The following MBNL1 variants were observed in gnomAD, a reference collection of about 807,000 sequenced individuals.
MBNL1 encodes the protein muscleblind like splicing regulator 1, also known as muscleblind-like protein 1.
In MBNL1, 8 loss-of-function variants were observed where a neutral mutation model predicts 42.2. That is an observed-to-expected ratio of 0.19 (90% CI 0.11 to 0.34). The LOEUF (loss-of-function observed/expected upper bound fraction) is 0.34. MBNL1 is among the 10% of genes least tolerant of loss of function. The probability of loss-of-function intolerance (pLI) is 1.00; values close to 1 mark genes in which losing one functional copy is unlikely to be tolerated. For synonymous variants in MBNL1, 169 were observed against 173.9 expected (o/e 0.97, Z 0.22); for missense variants, 309 against 495.3 (o/e 0.62, Z 3.57).
intron 2 of MBNL1, among the ~76,000 whole-genome samples, chr3:152,367,303 T>G (rs563620587): frequency 2.2e-4 from 34 of 152,106 alleles, no homozygotes; most frequent in Non-Finnish European, 4.0e-4. Flanking sequence ...CTGTGTTAGT[T>G]TGCTGAGAAT....
intron 2 of MBNL1, among the ~76,000 whole-genome samples, chr3:152,337,053 A>G (rs56306732): frequency 0.12 from 17,873 of 152,150 alleles, 1,203 homozygotes; most frequent in Middle Eastern, 0.18. Flanking sequence ...ACATATTAGG[A>G]ATTATTAAAG....
intron 1 of MBNL1, among the ~76,000 whole-genome samples, chr3:152,271,611 T>C (rs2041959720): frequency 6.6e-6 from 1 of 152,254 alleles, no homozygotes; most frequent in Admixed American, 6.5e-5. Context: ...ATTGGGTTTT[T>C]AAAATTCTGT....
At chr3:152,382,885 C>T (rs1053178709) in intron 2 of MBNL1, among the ~76,000 whole-genome samples, 4 of 151,962 alleles carry the variant, frequency 2.6e-5, no homozygotes, top group East Asian at 1.9e-4. Context: ...TATATCACTC[C>T]GTACTTATTG....
At chr3:152,386,480 C>A (rs147251243) in intron 2 of MBNL1, among the ~76,000 whole-genome samples, 22 of 152,090 alleles carry the variant, frequency 1.4e-4, no homozygotes, top group Non-Finnish European at 3.1e-4. Context: ...GTGGATTTTT[C>A]TTGGGTACAT....
rs530177866 is a variant in MBNL1 at position 152,376,095 on chromosome 3, G to A, written c.175-38846G>A. On this transcript the variant is annotated intron_variant, in intron 2 of 9. Transcript: ENST00000324210. ...TGCTCAGAACTCATACTGTCAGGCCGGTATCATACCCATGGTATCTTATAT... is the reference window on the plus strand; with the variant it reads ...TGCTCAGAACTCATACTGTCAGGCCAGTATCATACCCATGGTATCTTATAT... 5.4e-4 allele frequency among the ~76,000 whole-genome samples: 82 copies of A among 151,962 alleles called. 1 individual carries two copies. Among genetic ancestry groups the A allele is most frequent in the African/African-American group, 1.7e-3 (70 of 41,444 alleles).
intron 2 of MBNL1, among the ~76,000 whole-genome samples, chr3:152,347,352 A>G (rs2094419240): frequency 6.6e-6 from 1 of 152,102 alleles, no homozygotes; most frequent in Admixed American, 6.6e-5. Flanking sequence ...ATTAATTGAC[A>G]CTTTAAAAAA....
At chr3:152,380,060 A>G (rs1262071887) in intron 2 of MBNL1, among the ~76,000 whole-genome samples, 1 of 152,124 alleles carries the variant, frequency 6.6e-6, no homozygotes. Context: ...GAAGATTTTT[A>G]TACCATTGCT....
At chr3:152,346,473 GTTTAT>G (rs1315590017) in intron 2 of MBNL1, among the ~76,000 whole-genome samples, 1 of 152,024 alleles carries the variant, frequency 6.6e-6, no homozygotes, top group Non-Finnish European at 1.5e-5. Context: ...TCTGAGAAGA[GTTTAT>G]TTTATGAGAA....
intron 2 of MBNL1, among the ~76,000 whole-genome samples, chr3:152,260,687 C>A (rs1247054039): frequency 6.6e-6 from 1 of 152,148 alleles, no homozygotes; most frequent in Non-Finnish European, 1.5e-5. Flanking sequence ...GAATTTTAAA[C>A]AAACAGCAAA....
chr3:152,443,485 T>TACACACACACACACACACACACACACAC (rs150370083), intron 4 of MBNL1, among the ~76,000 whole-genome samples: 38 of 144,962 alleles, frequency 2.6e-4, no homozygotes, highest in African/African-American at 8.3e-4. Flanking sequence ...ATATTTAGCA[T>TACACACACACACACACACACACACACAC]ACACACACAC....
intron 2 of MBNL1, among the ~76,000 whole-genome samples, chr3:152,358,285 G>A (rs1361049046): frequency 6.6e-6 from 1 of 152,090 alleles, no homozygotes; most frequent in Non-Finnish European, 1.5e-5. Context: ...TTTGATTAGT[G>A]ATATTTTATT....
At chr3:152,329,073 GA>G (rs1334633346) in intron 2 of MBNL1, among the ~76,000 whole-genome samples, 2 of 152,018 alleles carry the variant, frequency 1.3e-5, no homozygotes, top group African/African-American at 4.8e-5. Flanking sequence ...GTCACTTCTG[GA>G]AGGAAAAAAG....
intron 3 of MBNL1, among the ~76,000 whole-genome samples, chr3:152,427,749 A>T (rs2098952181): frequency 6.6e-6 from 1 of 150,886 alleles, no homozygotes; most frequent in African/African-American, 2.4e-5. Flanking sequence ...CATTTTTAAA[A>T]TAAAAATTTT....
intron 1 of MBNL1, among the ~76,000 whole-genome samples, chr3:152,285,523 C>G (rs1236560965): frequency 6.6e-6 from 1 of 151,116 alleles, no homozygotes; most frequent in African/African-American, 2.4e-5. Context: ...AATTGTATGT[C>G]AACATATAAA....
chr3:152,287,688 C>T (rs910342016), intron 1 of MBNL1, among the ~76,000 whole-genome samples: 1 of 152,006 alleles, frequency 6.6e-6, no homozygotes, highest in Non-Finnish European at 1.5e-5. Flanking sequence ...CAAATGTTGC[C>T]GTTAATAAAC....
Position 152,447,787 on chromosome 3 carries a change from T to C in MBNL1, c.961+14T>C. Reference sequence around the variant, plus strand: ...TTCTCCCACCAGGTAAGGGGTGGGGTTTCTTAATAAATGAATCTGATGATC... The same window carrying C: ...TTCTCCCACCAGGTAAGGGGTGGGGCTTCTTAATAAATGAATCTGATGATC... On this transcript the variant is annotated intron_variant, in intron 6 of 9. Transcript: ENST00000324210. 1 of 1,608,886 alleles carries C rather than the reference T, an allele frequency of 6.2e-7. No individual in the cohort carries two copies. Among genetic ancestry groups the C allele is most frequent in the East Asian group, 2.2e-5 (1 of 44,794 alleles).
Position 152,269,084 on chromosome 3 carries a change from AT to A in MBNL1, c.-797del, listed in dbSNP as rs993450502. ...CAGTGGGGCCGCCTCTGAAAAAAAA[AT>A]GTGAGAGGTAAGTTTCCATTTTCAC... On this transcript the variant is annotated 5_prime_UTR_variant, in exon 1 of 10. The change abolishes an upstream ATG in the 5' untranslated region. Transcript: ENST00000324210. The A allele has an allele frequency of 8.8e-6, 4 of 454,942 alleles. No homozygotes were observed. The highest frequency in any genetic ancestry group is 6.0e-5 in the African/African-American group (3 of 49,932). The allele number at this position is 454,942 out of a possible 1,614,324, so 28.2% of individuals were successfully genotyped here.
At chr3:152,281,966 T>C (rs1034035085) in intron 1 of MBNL1, among the ~76,000 whole-genome samples, 1 of 152,180 alleles carries the variant, frequency 6.6e-6, no homozygotes, top group Admixed American at 6.6e-5. Flanking sequence ...TATGTGTGCA[T>C]GTTTTTGTGT....
chr3:152,425,706 G>A (rs577160717), intron 3 of MBNL1, among the ~76,000 whole-genome samples: 24 of 152,284 alleles, frequency 1.6e-4, no homozygotes, highest in African/African-American at 5.8e-4. Flanking sequence ...GGGAACAACA[G>A]ATGCTGATGA....
Sources: gnomAD v4.1 joint callset for allele counts (sites outside exome capture counted in the v4.1 genomes callset) on GRCh38, gnomAD v4.1.1 for gene constraint, MANE v1.5 for transcripts, NCBI Gene and HGNC (gene_info 2026-07-23, HGNC 2026-07-21) for gene names.